Variants in KHDRBS2 observed in about 807,000 individuals in gnomAD.
KHDRBS2 encodes KH domain-containing, RNA-binding, signal transduction-associated protein 2.
In KHDRBS2, 26 loss-of-function variants were observed where a neutral mutation model predicts 44.3. The observed-to-expected ratio is 0.59, with a 90% CI of 0.43 to 0.81. The LOEUF is 0.81. Among genes scored for constraint, KHDRBS2 ranks in the 40% least tolerant of loss-of-function variants. KHDRBS2 has a pLI of 0.00. For synonymous variants in KHDRBS2, 194 were observed against 151.1 expected, an observed-to-expected ratio of 1.28 and a Z score of -2.08; for missense variants, 476 against 433.1, an observed-to-expected ratio of 1.10 and a Z score of -0.88.
chr6:62,003,972 C>T (rs774634698), intron 3 of KHDRBS2, among the ~76,000 whole-genome samples: 8 of 152,164 alleles, frequency 5.3e-5, no homozygotes, highest in East Asian at 1.9e-4. Context: ...AAAGACACAA[C>T]GTACCAGAAT....
chr6:61,826,692 G>A (rs915730682), intron 6 of KHDRBS2, among the ~76,000 whole-genome samples: 3 of 151,994 alleles, frequency 2.0e-5, no homozygotes, highest in East Asian at 1.9e-4. Context: ...AGAAACTCAC[G>A]TTGAGTGTTT....
At chr6:61,955,465 T>C (rs544777644) in intron 4 of KHDRBS2, among the ~76,000 whole-genome samples, 2 of 63,724 alleles carry the variant, frequency 3.1e-5, no homozygotes, top group Non-Finnish European at 5.5e-5. Context: ...TATACATATG[T>C]GTATATATAC....
At chr6:61,621,060 G>A in the KHDRBS2 span, among the ~76,000 whole-genome samples, 1 of 152,242 alleles carries the variant, frequency 6.6e-6, no homozygotes, top group African/African-American at 2.4e-5. Context: ...TAATATAGAA[G>A]CAGTTCGAGA....
At chr6:61,866,138 T>A (rs1163727417) in intron 6 of KHDRBS2, among the ~76,000 whole-genome samples, 3 of 152,244 alleles carry the variant, frequency 2.0e-5, no homozygotes, top group Non-Finnish European at 4.4e-5. Context: ...CTGTAGGGAC[T>A]CTGTGTGGGG....
chr6:61,856,722 T>C (rs559006764), intron 6 of KHDRBS2, among the ~76,000 whole-genome samples: 1 of 152,180 alleles, frequency 6.6e-6, no homozygotes, highest in Non-Finnish European at 1.5e-5. Flanking sequence ...CGTCATAGCC[T>C]GTCCTCTTCC....
At chr6:61,597,916 T>G in the KHDRBS2 span, among the ~76,000 whole-genome samples, 18 of 137,620 alleles carry the variant, frequency 1.3e-4, no homozygotes, top group Middle Eastern at 4.0e-3. Context: ...TTTTTTGTGT[T>G]TTTTTTTTTA....
chr6:61,744,383 C>T (rs576066843), intron 6 of KHDRBS2, among the ~76,000 whole-genome samples: 1 of 152,154 alleles, frequency 6.6e-6, no homozygotes, highest in Admixed American at 6.6e-5. Flanking sequence ...TGGAAGCAAA[C>T]CTGCTCTTAC....
At chr6:61,852,958 G>C (rs1339575762) in intron 6 of KHDRBS2, among the ~76,000 whole-genome samples, 2 of 152,068 alleles carry the variant, frequency 1.3e-5, no homozygotes, top group East Asian at 3.9e-4. Flanking sequence ...ATTTAAGCTA[G>C]AACAATCTTC....
At chr6:61,627,028 A>C in the KHDRBS2 span, among the ~76,000 whole-genome samples, 2 of 151,776 alleles carry the variant, frequency 1.3e-5, no homozygotes, top group African/African-American at 4.8e-5. Flanking sequence ...CCGAGGCGGG[A>C]GGATCACGAG....
At chr6:61,665,432 C>A in the KHDRBS2 span, among the ~76,000 whole-genome samples, 1 of 151,290 alleles carries the variant, frequency 6.6e-6, no homozygotes, top group Non-Finnish European at 1.5e-5. Context: ...AAAGAGTTAA[C>A]AGGTTGTTGG....
intron 3 of KHDRBS2, among the ~76,000 whole-genome samples, chr6:62,036,844 G>A (rs1310232623): frequency 1.3e-5 from 2 of 151,884 alleles, no homozygotes; most frequent in African/African-American, 4.8e-5. Context: ...AATTAAACTA[G>A]TATCTTTAGG....
chr6:61,983,717 A>G (rs2127406571), intron 3 of KHDRBS2, among the ~76,000 whole-genome samples: 1 of 152,294 alleles, frequency 6.6e-6, no homozygotes, highest in Non-Finnish European at 1.5e-5. Flanking sequence ...TGCTTCACTT[A>G]GGTTATAATC....
intron 2 of KHDRBS2, among the ~76,000 whole-genome samples, chr6:62,060,147 C>A (rs1199075403): frequency 6.6e-6 from 1 of 151,592 alleles, no homozygotes; most frequent in Non-Finnish European, 1.5e-5. Flanking sequence ...AAGAGCGTAA[C>A]AAATTTGATA....
intron 6 of KHDRBS2, among the ~76,000 whole-genome samples, chr6:61,823,377 G>A (rs766491145): frequency 1.3e-5 from 2 of 152,048 alleles, no homozygotes; most frequent in African/African-American, 2.4e-5. Flanking sequence ...TGTGTATTCA[G>A]TCTTTTGCAG....
At chr6:62,014,849 A>G (rs569343301) in intron 3 of KHDRBS2, among the ~76,000 whole-genome samples, 1 of 152,278 alleles carries the variant, frequency 6.6e-6, no homozygotes, top group East Asian at 1.9e-4. Flanking sequence ...TACATTACAT[A>G]AGAAAATAAT....
intron 4 of KHDRBS2, among the ~76,000 whole-genome samples, chr6:61,957,717 C>T (rs115848949): frequency 6.6e-6 from 1 of 152,136 alleles, no homozygotes; most frequent in South Asian, 2.1e-4. Flanking sequence ...TTGCCCCAGT[C>T]CTATGGTCCT....
chr6:62,175,669 G>A (rs183684660), intron 2 of KHDRBS2, among the ~76,000 whole-genome samples: 18 of 151,610 alleles, frequency 1.2e-4, no homozygotes, highest in South Asian at 2.1e-4. Flanking sequence ...CGTGGTCCAC[G>A]GCAGTTAAGA....
chr6:62,198,227 T>A (rs530802555), intron 1 of KHDRBS2, among the ~76,000 whole-genome samples: 33 of 151,828 alleles, frequency 2.2e-4, no homozygotes, highest in African/African-American at 7.2e-4. Flanking sequence ...AGGCAATAAA[T>A]AACTAAGATC....
chr6:62,119,537 T>C (rs1210576135), intron 2 of KHDRBS2, among the ~76,000 whole-genome samples: 3 of 152,120 alleles, frequency 2.0e-5, no homozygotes, highest in Non-Finnish European at 2.9e-5. Flanking sequence ...AAAAGGTGTA[T>C]GCTCAGCCTC....
Sources: gnomAD v4.1 joint callset for allele counts (sites outside exome capture counted in the v4.1 genomes callset) on GRCh38, gnomAD v4.1.1 for gene constraint, MANE v1.5 for transcripts, NCBI Gene and HGNC (gene_info 2026-07-23, HGNC 2026-07-21) for gene names.